CEMIP2: variants seen among roughly 807,000 people sequenced by gnomAD.
CEMIP2 encodes cell migration inducing hyaluronidase 2.
A neutral mutation model predicts 146.9 loss-of-function variants in CEMIP2; 79 were observed. The ratio of observed to expected loss-of-function variants is 0.54; its 90% CI spans 0.45 to 0.65. The LOEUF is 0.65. Among genes scored for constraint, CEMIP2 ranks in the 30% least tolerant of loss-of-function variants. CEMIP2 has a pLI of 0.00. For synonymous variants in CEMIP2, 601 were observed against 606.3 expected (o/e 0.99, Z 0.13); for missense variants, 1,596 against 1,696.2 (o/e 0.94, Z 1.04).
intron 1 of CEMIP2, among the ~76,000 whole-genome samples, chr9:71,750,608 ATTT>A (rs560628836): frequency 7.1e-5 from 10 of 141,132 alleles, no homozygotes; most frequent in Admixed American, 1.4e-4. Context: ...CGCCCAGCTA[ATTT>A]TTTTTTTTTT....
chr9:71,732,061 T>G (rs1049462774), intron 7 of CEMIP2, among the ~76,000 whole-genome samples: 7 of 150,212 alleles, frequency 4.7e-5, no homozygotes, highest in Non-Finnish European at 7.4e-5. Context: ...GAGCCTTCAG[T>G]TTTTTTTTGT....
chr9:71,700,681 T>C lies in CEMIP2; in HGVS notation c.3338A>G (p.Lys1113Arg), dbSNP rs772692662. The C allele has an allele frequency of 3.7e-6, 6 of 1,609,640 alleles. No individual in the cohort carries two copies. Among genetic ancestry groups the C allele is most frequent in the South Asian group, 2.2e-5 (2 of 90,080 alleles). ...AAAATAGAATTTCCTCTCGGATTGC[T>C]TTCTTTGCAGTTCTTCCAGTGAATG... ...PVHSLEELQR[K>R]QSERKFYFDS... The change falls in exon 19 of 24, where the codon AAG becomes AGG. Residue 1113 changes from lysine to arginine, a missense_variant. Lys to Arg is a conservative substitution (Grantham distance 26). Transcript: ENST00000377044.
chr9:71,744,148 G>A (rs908305212), intron 4 of CEMIP2, among the ~76,000 whole-genome samples: 3 of 152,120 alleles, frequency 2.0e-5, no homozygotes, highest in Non-Finnish European at 2.9e-5. Context: ...GGTGAGGCAG[G>A]AGGATCACTT....
upstream of CEMIP2, chr9:71,768,864 C>T (rs1180401761): frequency 7.3e-6 from 1 of 137,594 alleles, no homozygotes. Context: ...GCCAGACAAG[C>T]AGCCCGGCTC....
At chr9:71,732,629 C>T (rs1823652021) in intron 6 of CEMIP2, 109 bp from the exon 7 acceptor site, 3 of 928,870 alleles carry the variant, frequency 3.2e-6, no homozygotes, top group East Asian at 3.4e-5. Flanking sequence ...ATCCTGACAA[C>T]TTATCATCTG....
At chr9:71,736,038 G>A (rs1823752262) in intron 5 of CEMIP2, among the ~76,000 whole-genome samples, 1 of 152,152 alleles carries the variant, frequency 6.6e-6, no homozygotes, top group Admixed American at 6.5e-5. Flanking sequence ...AGGCTGCAGT[G>A]AGCCACGACT....
In CEMIP2 at chr9:71,685,839, C is replaced by T; in HGVS notation, c.3859G>A (p.Val1287Ile). 1 of 1,613,386 alleles carries T rather than the reference C, an allele frequency of 6.2e-7. No homozygotes were observed. The highest frequency in any genetic ancestry group is 2.2e-5 in the East Asian group (1 of 44,854). The change falls in exon 23 of 24, where the codon GTT becomes ATT. Residue 1287 changes from valine to isoleucine, a missense_variant. Coordinates refer to ENST00000377044, the MANE Select transcript of CEMIP2 (RefSeq NM_013390.3). ...ATTTCTCCTCTTGTGCTCAACAGAA[C>T]AATGGACCTGTATGTGAAATTTAGA... ...LKTGIPPRSI[V>I]LLSTRGEIKQ...
At chr9:71,759,829 G>T (rs1197390046) in intron 1 of CEMIP2, among the ~76,000 whole-genome samples, 3 of 79,566 alleles carry the variant, frequency 3.8e-5, no homozygotes, top group East Asian at 3.0e-4. Context: ...ACGGGGAGGT[G>T]GGGGGGGGAT....
At chr9:71,706,980 C>T (rs1197405103) in intron 17 of CEMIP2, among the ~76,000 whole-genome samples, 2 of 152,102 alleles carry the variant, frequency 1.3e-5, no homozygotes, top group Non-Finnish European at 2.9e-5. Context: ...ACGTGCCCAC[C>T]ACCACGCCTG....
At chr9:71,766,683 A>G (rs12555916) in intron 1 of CEMIP2, among the ~76,000 whole-genome samples, 22,224 of 152,282 alleles carry the variant, frequency 0.15, 1,832 homozygotes, top group Admixed American at 0.18. Flanking sequence ...TATCCAGATA[A>G]ACACCATGTA....
In CEMIP2 at chr9:71,734,793, A is replaced by T; in HGVS notation, c.1393+13T>A. 1 of 1,585,502 alleles carries T rather than the reference A, an allele frequency of 6.3e-7. No homozygotes were observed. Among genetic ancestry groups the T allele is most frequent in the East Asian group, 2.3e-5 (1 of 44,386 alleles). On this transcript the variant is annotated intron_variant, in intron 6 of 23. Coordinates refer to ENST00000377044, the MANE Select transcript of CEMIP2 (RefSeq NM_013390.3). ...AGTGTGTTTCCCAAGAAGTACTCTA[A>T]GCAGTTTAATACCTTTGACTTTGAC... is the stretch of plus-strand genomic sequence containing the variant.
At position 71,690,204 on chromosome 9, in the gene CEMIP2, G is replaced by A; in HGVS notation, c.3739C>T (p.Leu1247Phe). Residue 1247 changes from leucine (L) to phenylalanine (F), a missense_variant, in exon 22 of 24, where the codon CTC becomes TTC. Leu to Phe is a conservative substitution (Grantham distance 22). Coordinates refer to ENST00000377044, the MANE Select transcript of CEMIP2 (RefSeq NM_013390.3). Reference protein sequence around the residue: ...DFTFRSAGVLLLVVDPCSVPF... With the variant: ...DFTFRSAGVLFLVVDPCSVPF... ...ACGCTGCACGGATCCACAACAAGGAGGAGGACGCCTGCACTTCGGAAGGTA... is the reference window on the plus strand; with the variant it reads ...ACGCTGCACGGATCCACAACAAGGAAGAGGACGCCTGCACTTCGGAAGGTA... 1.9e-6 allele frequency: 3 copies of A among 1,614,130 alleles called. No individual in the cohort carries two copies. The highest frequency in any genetic ancestry group is 2.5e-6 in the Non-Finnish European group (3 of 1,179,998).
At chr9:71,737,944 A>G (rs2131986040) in intron 5 of CEMIP2, among the ~76,000 whole-genome samples, 1 of 152,340 alleles carries the variant, frequency 6.6e-6, no homozygotes, top group South Asian at 2.1e-4. Context: ...AACAACCGTG[A>G]GAGACAGGAG....
chr9:71,738,938 G>A (rs1202331418), intron 5 of CEMIP2, among the ~76,000 whole-genome samples: 1 of 152,042 alleles, frequency 6.6e-6, no homozygotes, highest in Non-Finnish European at 1.5e-5. Flanking sequence ...GGTTAGATGG[G>A]GAAGATTTGT....
intron 5 of CEMIP2, among the ~76,000 whole-genome samples, chr9:71,736,190 G>C (rs539861922): frequency 1.3e-5 from 2 of 152,092 alleles, no homozygotes; most frequent in African/African-American, 4.8e-5. Context: ...CATTCTTCTT[G>C]ACCAACCAAC....
intron 1 of CEMIP2, among the ~76,000 whole-genome samples, chr9:71,761,462 T>A (rs949849911): frequency 3.3e-5 from 5 of 152,128 alleles, no homozygotes; most frequent in African/African-American, 1.2e-4. Context: ...ATATTTCAAA[T>A]GAATAATGAG....
intron 11 of CEMIP2, 56 bp from the exon 12 acceptor site, chr9:71,722,571 T>C (rs1341659028): frequency 7.5e-6 from 10 of 1,325,072 alleles, no homozygotes; most frequent in Non-Finnish European, 1.1e-5. Context: ...TACAACAACA[T>C]ATACAATGAT....
chr9:71,690,070 T>C (rs1412310792), intron 22 of CEMIP2, 22 bp downstream of exon 22: 1 of 1,610,266 alleles, frequency 6.2e-7, no homozygotes, highest in South Asian at 1.1e-5. Context: ...CTTTTCCCTG[T>C]TACAGCACAA....
At chr9:71,761,019 A>C (rs147955409) in intron 1 of CEMIP2, among the ~76,000 whole-genome samples, 1 of 152,192 alleles carries the variant, frequency 6.6e-6, no homozygotes, top group Non-Finnish European at 1.5e-5. Context: ...CTTGTTCTCA[A>C]CTGGCTGGGA....
Sources: allele counts gnomAD v4.1 joint callset (sites outside exome capture counted in the v4.1 genomes callset), GRCh38; gene constraint gnomAD v4.1.1; transcripts MANE v1.5; gene names NCBI Gene and HGNC (gene_info 2026-07-23, HGNC 2026-07-21).